MTARC1: variants seen among roughly 807,000 people sequenced by gnomAD.
MTARC1 encodes mitochondrial amidoxime-reducing component 1.
Under a neutral mutation model 33.6 loss-of-function variants are expected in MTARC1, and 24 were observed. The observed-to-expected ratio is 0.72, with a 90% CI of 0.52 to 1.01. The LOEUF is 1.01. Among genes scored for constraint, MTARC1 ranks in the 50% least tolerant of loss-of-function variants. MTARC1 has a pLI of 0.00. For missense variants in MTARC1, 417 were observed against 445.7 expected (o/e 0.94, Z 0.58); for synonymous variants, 187 against 189.5 (o/e 0.99, Z 0.11).
At chr1:220,812,650 A>C (rs1315107630) in intron 6 of MTARC1, among the ~76,000 whole-genome samples, 1 of 152,204 alleles carries the variant, frequency 6.6e-6, no homozygotes, top group Non-Finnish European at 1.5e-5. Context: ...TTCAGGTGAC[A>C]GACATGGAGG....
chr1:220,791,480 G>T lies in MTARC1; in HGVS notation c.276-11G>T. The T allele has an allele frequency of 6.2e-7, 1 of 1,613,244 alleles. No individual in the cohort carries two copies. Among genetic ancestry groups the T allele is most frequent in the South Asian group, 1.1e-5 (1 of 90,964 alleles). ...ATGGTTCACACATATCCTGTGTTTT[G>T]AAAACGGCAGGTTTTGGCTTGTGAT... On this transcript the variant is annotated splice_polypyrimidine_tract_variant and intron_variant, in intron 1 of 6. Coordinates refer to ENST00000366910, the MANE Select transcript of MTARC1 (RefSeq NM_022746.4).
At chr1:220,808,014 G>T (rs1443601155) in intron 6 of MTARC1, among the ~76,000 whole-genome samples, 1 of 152,150 alleles carries the variant, frequency 6.6e-6, no homozygotes, top group Non-Finnish European at 1.5e-5. Context: ...GACAGAAATA[G>T]ATGATTCTGT....
In MTARC1 at chr1:220,813,151, G is replaced by A; in HGVS notation, c.888-141G>A. On this transcript the variant is annotated intron_variant, in intron 6 of 6. Coordinates refer to ENST00000366910, the MANE Select transcript of MTARC1 (RefSeq NM_022746.4). ...GGCTGTTCACTGCCCCACTCCAGGA[G>A]GCGCTGTTCTGTTGAGCTTTGACGG... The A allele has an allele frequency of 1.1e-5, 12 of 1,087,774 alleles. No homozygotes were observed. The South Asian group carries it at 1.7e-4, about 15-fold the overall frequency. The allele number at this position is 1,087,774 out of a possible 1,614,324, so 67.4% of individuals were successfully genotyped here. A position where few individuals can be genotyped will look rare whatever the true frequency, so the allele number is the denominator to read the frequency against.
intron 4 of MTARC1, chr1:220,798,330 G>A: frequency 1.6e-6 from 2 of 1,234,088 alleles, no homozygotes; most frequent in Non-Finnish European, 2.1e-6. Context: ...TGTGGGCCAT[G>A]GAACAAAGAA....
At position 220,787,232 on chromosome 1, in the gene MTARC1, G is replaced by A. The variant is rs375712096; in HGVS notation, c.275+13G>A. 31 of 1,554,624 alleles carry A rather than the reference G, an allele frequency of 2.0e-5. No individual in the cohort carries two copies. Among genetic ancestry groups the A allele is most frequent in the African/African-American group, 2.7e-5 (2 of 73,150 alleles). On this transcript the variant is annotated intron_variant, in intron 1 of 6. Coordinates refer to ENST00000366910, the MANE Select transcript of MTARC1 (RefSeq NM_022746.4). ...ACCTGCGGGACAGGTACGGCCAAGC[G>A]CCGGCGCGGGGCAGCGCTGATCCGG...
intron 1 of MTARC1, among the ~76,000 whole-genome samples, chr1:220,790,034 C>T (rs1672374038): frequency 1.3e-5 from 2 of 152,206 alleles, no homozygotes; most frequent in African/African-American, 4.8e-5. Flanking sequence ...CTGAATTGCA[C>T]ACTTCAAAAT....
At chr1:220,790,297 G>C (rs773459243) in intron 1 of MTARC1, among the ~76,000 whole-genome samples, 3 of 152,076 alleles carry the variant, frequency 2.0e-5, no homozygotes, top group Non-Finnish European at 2.9e-5. Flanking sequence ...GGTAAGAATG[G>C]CTGGAGCAAC....
rs186985853 is a variant in MTARC1 at position 220,790,546 on chromosome 1, C to T, written c.276-945C>T. Among the ~76,000 whole-genome samples the T allele has an allele frequency of 2.6e-5, 4 of 152,274 alleles. No homozygotes were observed. The East Asian group carries it at 5.8e-4, about 22-fold the overall frequency. ...ACAAAGTCTGGTAAAAGGGCAGTTA[C>T]GGAAAGGGCTTATACTAAGCATATT... On this transcript the variant is annotated intron_variant, in intron 1 of 6. Coordinates refer to ENST00000366910, the MANE Select transcript of MTARC1 (RefSeq NM_022746.4).
At position 220,819,177 on chromosome 1, in the gene MTARC1, A is replaced by C. The variant is rs1227592860; in HGVS notation, c.*5759A>C. On this transcript the variant is annotated 3_prime_UTR_variant, in exon 7 of 7. Transcript: ENST00000366910. Reference sequence around the variant, plus strand: ...AATTGCTTTAAAAAATGATGTGTGCATACTTTAGGAACGTTTTTACCCTTT... The same window carrying C: ...AATTGCTTTAAAAAATGATGTGTGCCTACTTTAGGAACGTTTTTACCCTTT... The C allele has an allele frequency of 1.3e-5, 2 of 152,220 alleles. No homozygotes were observed. Among genetic ancestry groups the C allele is most frequent in the Non-Finnish European group, 2.9e-5 (2 of 68,042 alleles). The allele number at this position is 152,220 out of a possible 1,614,324, so 9.4% of individuals were successfully genotyped here.
chr1:220,789,688 A>G (rs1200561997), intron 1 of MTARC1, among the ~76,000 whole-genome samples: 3 of 152,250 alleles, frequency 2.0e-5, no homozygotes, highest in African/African-American at 7.2e-5. Context: ...ATGAGTAGAT[A>G]AGCAAAATGT....
chr1:220,787,390 C>A (rs970417820), intron 1 of MTARC1, among the ~76,000 whole-genome samples, 171 bp downstream of exon 1: 1 of 152,140 alleles, frequency 6.6e-6, no homozygotes, highest in African/African-American at 2.4e-5. Flanking sequence ...ACCCTCACCC[C>A]CCAGCATCAG....
chr1:220,811,659 A>G (rs921666241), intron 6 of MTARC1, among the ~76,000 whole-genome samples: 1 of 152,226 alleles, frequency 6.6e-6, no homozygotes, highest in Non-Finnish European at 1.5e-5. Context: ...ATGTAAAATT[A>G]GGGTTAGATT....
chr1:220,799,444 A>G (rs1672717470), intron 4 of MTARC1, among the ~76,000 whole-genome samples: 1 of 152,106 alleles, frequency 6.6e-6, no homozygotes, highest in Non-Finnish European at 1.5e-5. Context: ...CATCTCCTTG[A>G]TATTCATCTT....
intron 4 of MTARC1, among the ~76,000 whole-genome samples, chr1:220,804,816 A>T (rs1308937757): frequency 3.3e-5 from 5 of 151,456 alleles, no homozygotes; most frequent in Non-Finnish European, 4.4e-5. Flanking sequence ...CATTTTTACA[A>T]GTGAGAGGAG....
chr1:220,803,797 ATG>A lies in MTARC1; in HGVS notation c.754-1251_754-1250del, dbSNP rs367585520. On this transcript the variant is annotated intron_variant, in intron 4 of 6. Transcript: ENST00000366910. ...ATTTCTCTCCTTTTATACCCTTTTT[ATG>A]TGTTTTTTTGTGACCATAGTGCCCC... is the stretch of plus-strand genomic sequence containing the variant. Among the ~76,000 whole-genome samples, 88 of 151,348 alleles carry A rather than the reference ATG, an allele frequency of 5.8e-4. 2 individuals are homozygous for A. In the East Asian group the frequency reaches 0.015, roughly 26 times the overall value.
At position 220,818,897 on chromosome 1, in the gene MTARC1, C is replaced by G. The variant is rs1472653699; in HGVS notation, c.*5479C>G. 2.0e-5 allele frequency: 3 copies of G among 152,218 alleles called. No individual in the cohort carries two copies. The highest frequency in any genetic ancestry group is 4.4e-5 in the Non-Finnish European group (3 of 68,040). 9.4% of individuals were successfully genotyped at this position (152,218 alleles called of 1,614,324 possible). A position where few individuals can be genotyped will look rare whatever the true frequency, so the allele number is the denominator to read the frequency against. On this transcript the variant is annotated 3_prime_UTR_variant, in exon 7 of 7. Coordinates refer to ENST00000366910, the MANE Select transcript of MTARC1 (RefSeq NM_022746.4). ...GACGGCCGAGGACAGCTGGAGAGCT[C>G]TTCGTTGCAGGCAGCTCTGGTTAAC...
At chr1:220,798,575 A>G in intron 4 of MTARC1, 1 of 985,346 alleles carries the variant, frequency 1.0e-6, no homozygotes, top group Non-Finnish European at 1.2e-6. Flanking sequence ...ATTCCACAGG[A>G]TTCTGGCAGC....
intron 1 of MTARC1, among the ~76,000 whole-genome samples, chr1:220,788,559 C>CG (rs1558082398): frequency 1.3e-5 from 2 of 152,036 alleles, no homozygotes; most frequent in African/African-American, 4.8e-5. Context: ...GAGGCCGAGG[C>CG]GGGTGGATCA....
At chr1:220,795,489 A>G (rs956556845) in intron 2 of MTARC1, among the ~76,000 whole-genome samples, 7 of 152,214 alleles carry the variant, frequency 4.6e-5, no homozygotes, top group African/African-American at 9.6e-5. Context: ...TTCTCTTTAA[A>G]TTGATTCAGC....
Sources: gnomAD v4.1 joint callset for allele counts (sites outside exome capture counted in the v4.1 genomes callset) on GRCh38, gnomAD v4.1.1 for gene constraint, MANE v1.5 for transcripts, NCBI Gene and HGNC (gene_info 2026-07-23, HGNC 2026-07-21) for gene names.